COLEC11: variants seen among roughly 807,000 people sequenced by gnomAD.
COLEC11 encodes the protein collectin subfamily member 11.
COLEC11 carries 20 observed loss-of-function variants against 27.3 expected under a neutral mutation model. The observed-to-expected ratio is 0.73, with a 90% CI of 0.51 to 1.06. The LOEUF is 1.06. Among genes scored for constraint, COLEC11 ranks in the 50% least tolerant of loss-of-function variants. The pLI is 0.00. For missense variants in COLEC11, 310 were observed against 383.0 expected (o/e 0.81, Z 1.59); for synonymous variants, 163 against 154.7 (o/e 1.05, Z -0.40).
intron 3 of COLEC11, among the ~76,000 whole-genome samples, chr2:3,632,265 C>CGT (rs985674389): frequency 6.6e-6 from 1 of 152,208 alleles, no homozygotes; most frequent in Admixed American, 6.5e-5. Flanking sequence ...TCTTTCCTGG[C>CGT]TCACTGTATG....
intron 6 of COLEC11, 58 bp downstream of exon 6, chr2:3,643,597 C>T: frequency 1.3e-6 from 2 of 1,597,746 alleles, no homozygotes; most frequent in Non-Finnish European, 1.7e-6. Flanking sequence ...TGTCCTGAGC[C>T]CCCCGGCAAG....
At chr2:3,641,805 C>T (rs1220701747) in intron 5 of COLEC11, among the ~76,000 whole-genome samples, 2 of 152,166 alleles carry the variant, frequency 1.3e-5, no homozygotes, top group Non-Finnish European at 2.9e-5. Flanking sequence ...TGAACTTCTA[C>T]AGGATATGCC....
At chr2:3,607,747 C>T (rs1662845545) in intron 2 of COLEC11, among the ~76,000 whole-genome samples, 1 of 152,200 alleles carries the variant, frequency 6.6e-6, no homozygotes, top group East Asian at 1.9e-4. Flanking sequence ...ACATACCTGG[C>T]CTATCAAATT....
At chr2:3,596,914 C>G (rs1661874261) in intron 1 of COLEC11, among the ~76,000 whole-genome samples, 1 of 152,270 alleles carries the variant, frequency 6.6e-6, no homozygotes, top group African/African-American at 2.4e-5. Flanking sequence ...TCACCCTGTG[C>G]CTACCTGCCC....
chr2:3,602,229 T>A lies in COLEC11; in HGVS notation c.-26-2086T>A, dbSNP rs1662284426. Among the ~76,000 whole-genome samples the A allele has an allele frequency of 6.6e-6, 1 of 152,094 alleles. No individual in the cohort carries two copies. Among genetic ancestry groups the A allele is most frequent in the Non-Finnish European group, 1.5e-5 (1 of 68,032 alleles). On this transcript the variant is annotated intron_variant, in intron 1 of 6. Transcript: ENST00000349077. This position sits in a 1 kb window ranked among gnomAD's most constrained non-coding sequence, Gnocchi z 6.2. ...CCTGAGAGGGCCAGCTGGCTTGGAATTGTGGGAGAGAAAATGGAGGGTACC... is the reference window on the plus strand; with the variant it reads ...CCTGAGAGGGCCAGCTGGCTTGGAAATGTGGGAGAGAAAATGGAGGGTACC...
chr2:3,640,247 T>C (rs201792751), intron 4 of COLEC11, 31 bp from the exon 5 acceptor site: 12 of 1,429,016 alleles, frequency 8.4e-6, no homozygotes, highest in African/African-American at 2.8e-5. Context: ...CATCTCTGCC[T>C]GGTGACTTGG....
chr2:3,601,871 CT>C (rs1405365218), intron 1 of COLEC11: 17 of 152,204 alleles, frequency 1.1e-4, no homozygotes, highest in Non-Finnish European at 2.5e-4. Context: ...TCCACGTCAT[CT>C]TTTTGTCTGT....
At chr2:3,620,791 C>A (rs1170616299) in intron 3 of COLEC11, among the ~76,000 whole-genome samples, 1 of 151,766 alleles carries the variant, frequency 6.6e-6, no homozygotes, top group East Asian at 1.9e-4. Flanking sequence ...TTTTTTGACT[C>A]ATGGATTGTT....
chr2:3,613,962 C>G (rs535782090), intron 3 of COLEC11, among the ~76,000 whole-genome samples: 21 of 139,782 alleles, frequency 1.5e-4, no homozygotes, highest in African/African-American at 4.4e-4. Context: ...AGTGTTTTTT[C>G]TTTTTCTTTC....
intron 2 of COLEC11, among the ~76,000 whole-genome samples, chr2:3,609,079 T>G (rs1662964611): frequency 6.6e-6 from 1 of 152,232 alleles, no homozygotes; most frequent in African/African-American, 2.4e-5. Context: ...CAGCACTGGC[T>G]GAAATGCGCC....
At chr2:3,613,194 G>T in intron 2 of COLEC11, 117 bp from the exon 3 acceptor site, 1 of 1,107,076 alleles carries the variant, frequency 9.0e-7, no homozygotes. Flanking sequence ...GAGAGAAGGG[G>T]CTTGGCCACC....
Position 3,602,298 on chromosome 2 carries a change from G to A in COLEC11, c.-26-2017G>A, listed in dbSNP as rs1662289007. 6.6e-6 allele frequency among the ~76,000 whole-genome samples: 1 copy of A among 152,128 alleles called. No individual in the cohort carries two copies. The highest frequency in any genetic ancestry group is 1.5e-5 in the Non-Finnish European group (1 of 68,026). Reference sequence around the variant, plus strand: ...AAACCGAACCATTGCTCCACCCACTGGGTCACATAGGAGTCTATAGTGTCT... The same window carrying A: ...AAACCGAACCATTGCTCCACCCACTAGGTCACATAGGAGTCTATAGTGTCT... On this transcript the variant is annotated intron_variant, in intron 1 of 6. Coordinates refer to ENST00000349077, the MANE Select transcript of COLEC11 (RefSeq NM_024027.5). This position sits in a 1 kb window ranked among gnomAD's most constrained non-coding sequence, Gnocchi z 6.2.
At chr2:3,640,068 C>T (rs1164963195) in intron 4 of COLEC11, among the ~76,000 whole-genome samples, 1 of 152,118 alleles carries the variant, frequency 6.6e-6, no homozygotes, top group Admixed American at 6.6e-5. Flanking sequence ...CTCGATAATC[C>T]CTGTCACCCC....
intron 2 of COLEC11, among the ~76,000 whole-genome samples, chr2:3,609,352 ATTTTTTT>A (rs567474674): frequency 4.6e-5 from 4 of 87,502 alleles, no homozygotes; most frequent in Non-Finnish European, 6.5e-5. Flanking sequence ...TTTTTCTTTG[ATTTTTTT>A]TTTTTTTTTT....
intron 2 of COLEC11, among the ~76,000 whole-genome samples, chr2:3,608,785 G>T (rs1189050215): frequency 6.6e-6 from 1 of 152,246 alleles, no homozygotes; most frequent in Non-Finnish European, 1.5e-5. Flanking sequence ...AGGCGACGGG[G>T]ACCGTGGAGA....
At chr2:3,620,205 A>T (rs1384422716) in intron 3 of COLEC11, among the ~76,000 whole-genome samples, 2 of 151,892 alleles carry the variant, frequency 1.3e-5, no homozygotes, top group African/African-American at 4.8e-5. Context: ...CCTTTCTTCG[A>T]TTGGAGATTT....
In COLEC11 at chr2:3,605,266, C is replaced by T. The variant is rs528859552; in HGVS notation, c.130+796C>T. 3.4e-3 allele frequency among the ~76,000 whole-genome samples: 501 copies of T among 148,928 alleles called. 12 individuals carry two copies. The highest frequency in any genetic ancestry group is 0.012 in the African/African-American group (483 of 40,796). ...GGGCTGCACCGGCCGCAGCAGAGTC[C>T]AGGCCGCCGCTGAGGGGAGTCACGT... On this transcript the variant is annotated intron_variant, in intron 2 of 6. Coordinates refer to ENST00000349077, the MANE Select transcript of COLEC11 (RefSeq NM_024027.5).
rs541417790 is a variant in COLEC11 at position 3,602,914 on chromosome 2, CCTCTGTCTGT to C, written c.-26-1388_-26-1379del. Among the ~76,000 whole-genome samples, 28 of 152,360 alleles carry C rather than the reference CCTCTGTCTGT, an allele frequency of 1.8e-4. No individual in the cohort carries two copies. The East Asian group carries it at 2.5e-3, about 14-fold the overall frequency. ...CTCTTCCCCACGGCGCTTACCCCTG[CCTCTGTCTGT>C]CTCTGTCTGTCTGTCTGTCTGTCTC... On this transcript the variant is annotated intron_variant, in intron 1 of 6. Transcript: ENST00000349077. This position sits in a 1 kb window ranked among gnomAD's most constrained non-coding sequence, Gnocchi z 6.2.
chr2:3,620,007 T>C (rs1435642591), intron 3 of COLEC11, among the ~76,000 whole-genome samples: 3 of 152,244 alleles, frequency 2.0e-5, no homozygotes, highest in African/African-American at 7.2e-5. Context: ...TCATCAGGGA[T>C]ATTGGCCTGT....
Sources: gnomAD v4.1 joint callset for allele counts (sites outside exome capture counted in the v4.1 genomes callset) on GRCh38, gnomAD v4.1.1 for gene constraint, Gnocchi (gnomAD v3.1) non-coding constraint, MANE v1.5 for transcripts, NCBI Gene and HGNC (gene_info 2026-07-23, HGNC 2026-07-21) for gene names.